ECT2: variants seen among roughly 807,000 people sequenced by gnomAD.
ECT2 encodes the protein protein ECT2.
In ECT2, 61 loss-of-function variants were observed where a neutral mutation model predicts 116.9. That is an observed-to-expected ratio of 0.52 (90% CI 0.42 to 0.65). ECT2 has a LOEUF of 0.65. Ranked by LOEUF, ECT2 falls within the 30% of genes least tolerant of loss-of-function variation. The pLI is 0.00. For synonymous variants in ECT2, 358 were observed against 346.4 expected (o/e 1.03, Z -0.37); for missense variants, 937 against 1,078.7 (o/e 0.87, Z 1.84).
intron 1 of ECT2, among the ~76,000 whole-genome samples, chr3:172,751,632 C>T (rs993229825): frequency 6.6e-6 from 1 of 152,118 alleles, no homozygotes; most frequent in Non-Finnish European, 1.5e-5. Context: ...TTTAGTCCTT[C>T]ACCTTGGAAG....
At chr3:172,770,591 C>T (rs899740003) in intron 13 of ECT2, among the ~76,000 whole-genome samples, 1 of 152,190 alleles carries the variant, frequency 6.6e-6, no homozygotes, top group Admixed American at 6.5e-5. Flanking sequence ...TCTCCTGCCT[C>T]AGCCTCCCAA....
At chr3:172,801,059 T>A (rs1726624212) in intron 18 of ECT2, among the ~76,000 whole-genome samples, 1 of 152,230 alleles carries the variant, frequency 6.6e-6, no homozygotes, top group South Asian at 2.1e-4. Flanking sequence ...GTTTTTAGAA[T>A]TTATGACGTG....
At chr3:172,765,629 C>T (rs1448458066) in intron 12 of ECT2, among the ~76,000 whole-genome samples, 3 of 152,080 alleles carry the variant, frequency 2.0e-5, no homozygotes, top group African/African-American at 7.2e-5. Flanking sequence ...ATAGTCTCTC[C>T]CTTTTAATTT....
At chr3:172,761,931 A>G (rs1718385098) in intron 8 of ECT2, among the ~76,000 whole-genome samples, 1 of 152,134 alleles carries the variant, frequency 6.6e-6, no homozygotes, top group Admixed American at 6.5e-5. Context: ...TTCTGAAATT[A>G]TTAGATAATA....
chr3:172,756,890 A>G (rs960110076), intron 4 of ECT2, 93 bp from the exon 5 acceptor site: 2 of 1,044,374 alleles, frequency 1.9e-6, no homozygotes, highest in African/African-American at 1.7e-5. Flanking sequence ...GTTAAAGTTG[A>G]TATTGAATTG....
chr3:172,812,072 C>T (rs1186088537), intron 22 of ECT2, among the ~76,000 whole-genome samples: 1 of 151,390 alleles, frequency 6.6e-6, no homozygotes, highest in East Asian at 1.9e-4. Context: ...ACAACCTCTA[C>T]CTCTGGGTTC....
the ECT2 span, among the ~76,000 whole-genome samples, chr3:172,828,129 G>A: frequency 5.3e-5 from 8 of 152,024 alleles, no homozygotes; most frequent in Admixed American, 2.0e-4. Flanking sequence ...TGTTACAATA[G>A]CATTAAAACC....
chr3:172,775,681 T>C (rs1485371194), intron 14 of ECT2, among the ~76,000 whole-genome samples: 2 of 151,816 alleles, frequency 1.3e-5, no homozygotes, highest in African/African-American at 2.4e-5. Context: ...TCACCCAGGC[T>C]GGAGTGCAGT....
chr3:172,754,737 A>G lies in ECT2; in HGVS notation c.130+77A>G, dbSNP rs183566950. 1.4e-5 allele frequency: 16 copies of G among 1,133,542 alleles called. No individual in the cohort carries two copies. The African/African-American group carries it at 2.2e-4, about 16-fold the overall frequency. 70.2% of individuals were successfully genotyped at this position (1,133,542 alleles called of 1,614,324 possible). On this transcript the variant is annotated intron_variant, in intron 2 of 24. Coordinates refer to ENST00000392692, the MANE Select transcript of ECT2 (RefSeq NM_001258315.2). ...TTATTAGTGACTTTCTTAAGATTTA[A>G]TTTTAATACCAACTGTAATGCTAGA...
chr3:172,751,805 TC>T (rs1167728584), intron 1 of ECT2, among the ~76,000 whole-genome samples: 1 of 152,196 alleles, frequency 6.6e-6, no homozygotes, highest in African/African-American at 2.4e-5. Context: ...TGAACACTGA[TC>T]CTATTGTGCT....
Position 172,783,820 on chromosome 3 carries a change from T to C in ECT2, c.1639T>C (p.Tyr547His), listed in dbSNP as rs754160435. 1 of 1,603,552 alleles carries C rather than the reference T, an allele frequency of 6.2e-7. No homozygotes were observed. Among genetic ancestry groups the C allele is most frequent in the Non-Finnish European group, 8.5e-7 (1 of 1,174,920 alleles). ...LKYSKDLVKT[Y>H]PPFVNFFEMS... ...CTAGTCAAAAGATTTGGTAAAAACCTACCCTCCCTTTGTAAACTTCTTTGA... is the reference window on the plus strand; with the variant it reads ...CTAGTCAAAAGATTTGGTAAAAACCCACCCTCCCTTTGTAAACTTCTTTGA... The change falls in exon 16 of 25, where the codon TAC (tyrosine) becomes CAC (histidine). Residue 547 changes from tyrosine (Y) to histidine (H), a missense_variant. Coordinates refer to ENST00000392692, the MANE Select transcript of ECT2 (RefSeq NM_001258315.2).
chr3:172,765,591 C>G (rs2108374785), intron 12 of ECT2, among the ~76,000 whole-genome samples: 1 of 152,244 alleles, frequency 6.6e-6, no homozygotes, highest in African/African-American at 2.4e-5. Flanking sequence ...AAAAGGATCT[C>G]TCTTAGATGA....
At chr3:172,797,982 T>A (rs1438352229) in intron 18 of ECT2, among the ~76,000 whole-genome samples, 1 of 152,216 alleles carries the variant, frequency 6.6e-6, no homozygotes, top group Non-Finnish European at 1.5e-5. Flanking sequence ...CTTGAGACTT[T>A]CAACATCTTT....
chr3:172,811,339 C>T (rs963505507), intron 22 of ECT2, among the ~76,000 whole-genome samples: 5 of 152,172 alleles, frequency 3.3e-5, no homozygotes, highest in Admixed American at 1.3e-4. Context: ...TTCCTCTGTG[C>T]GGAGAGCACT....
chr3:172,780,685 G>A (rs1722541689), intron 14 of ECT2, among the ~76,000 whole-genome samples: 1 of 152,090 alleles, frequency 6.6e-6, no homozygotes, highest in Admixed American at 6.5e-5. Context: ...TAATGAATGA[G>A]AGTTCCAATT....
At chr3:172,803,249 A>G (rs1410001260) in intron 20 of ECT2, among the ~76,000 whole-genome samples, 1 of 152,234 alleles carries the variant, frequency 6.6e-6, no homozygotes, top group African/African-American at 2.4e-5. Flanking sequence ...TTAGGTCAAG[A>G]AATCTGATAA....
At chr3:172,782,601 C>T (rs1722900724) in intron 15 of ECT2, among the ~76,000 whole-genome samples, 1 of 152,122 alleles carries the variant, frequency 6.6e-6, no homozygotes, top group African/African-American at 2.4e-5. Context: ...AAAATTGTGT[C>T]ATAGGGGTTA....
At chr3:172,799,595 T>G (rs1466284641) in intron 18 of ECT2, among the ~76,000 whole-genome samples, 1 of 152,232 alleles carries the variant, frequency 6.6e-6, no homozygotes, top group Non-Finnish European at 1.5e-5. Flanking sequence ...CAACTTTTTG[T>G]TCAAAATGTA....
rs1304358983 is a variant in ECT2, at chr3:172,756,970, A to G, written c.304-13A>G. 2.5e-6 allele frequency: 4 copies of G among 1,589,524 alleles called. No homozygotes were observed. Among genetic ancestry groups the G allele is most frequent in the African/African-American group, 2.7e-5 (2 of 73,378 alleles). ...TAAATAATTTTTATTTCTGCTAACT[A>G]TATGATGAAAAGGACATTAAAGTGG... On this transcript the variant is annotated splice_polypyrimidine_tract_variant and intron_variant, in intron 4 of 24. Coordinates refer to ENST00000392692, the MANE Select transcript of ECT2 (RefSeq NM_001258315.2).
Sources: allele counts gnomAD v4.1 joint callset (sites outside exome capture counted in the v4.1 genomes callset), GRCh38; gene constraint gnomAD v4.1.1; transcripts MANE v1.5; gene names NCBI Gene and HGNC (gene_info 2026-07-23, HGNC 2026-07-21).